NPC1L1: variants seen among roughly 807,000 people sequenced by gnomAD.
NPC1L1 encodes the protein NPC1 like intracellular cholesterol transporter 1.
A neutral mutation model predicts 117.0 loss-of-function variants in NPC1L1; 98 were observed. That is an observed-to-expected ratio of 0.84 (90% CI 0.71 to 0.99). NPC1L1 has a LOEUF of 0.99. Among genes scored for constraint, NPC1L1 ranks in the 50% least tolerant of loss-of-function variants. The probability of loss-of-function intolerance (pLI) is 0.00; values close to 1 mark genes in which losing one functional copy is unlikely to be tolerated. For synonymous variants in NPC1L1, 729 were observed against 727.6 expected, an observed-to-expected ratio of 1.00 and a Z score of -0.03; for missense variants, 1,540 against 1,710.0, an observed-to-expected ratio of 0.90 and a Z score of 1.75.
intron 18 of NPC1L1, among the ~76,000 whole-genome samples, chr7:44,514,874 G>A (rs975676166): frequency 9.9e-5 from 15 of 151,188 alleles, no homozygotes; most frequent in Non-Finnish European, 1.9e-4. Context: ...TTGGCCAGGC[G>A]TGGTGGTGCG....
Position 44,536,835 on chromosome 7 carries a change from A to T in NPC1L1, c.1681+7T>A. ...CTTGGCTTCCTCTCAGGGCCCACTT[A>T]GCTTACCTTTGTACCCCCCAATGGC... On this transcript the variant is annotated splice_region_variant and intron_variant, in intron 3 of 18. Coordinates refer to ENST00000381160, the MANE Select transcript of NPC1L1 (RefSeq NM_001101648.2). This position sits in a 1 kb window ranked among gnomAD's most constrained non-coding sequence, Gnocchi z 4.7. 1 of 1,611,360 alleles carries T rather than the reference A, an allele frequency of 6.2e-7. No homozygotes were observed. Among genetic ancestry groups the T allele is most frequent in the Non-Finnish European group, 8.5e-7 (1 of 1,177,590 alleles).
At position 44,532,216 on chromosome 7, in the gene NPC1L1, G is replaced by C. The variant is rs141148169; in HGVS notation, c.2411C>G (p.Ala804Gly). ...ACAGCAGCAGACGTCCAACCGGGAG[G>C]CCTGGAGTGGGAGGCACCCCCTCAA... ...LLSLDSKRQEASRLDVCCCVK... is the reference protein window; with the variant it reads ...LLSLDSKRQEGSRLDVCCCVK... Residue 804 changes from alanine (A) to glycine (G), a missense_variant and splice_region_variant, in exon 9 of 19, where the codon GCC becomes GGC. This residue lies in a region of NPC1L1 where 742 missense variants were observed against 873.6 expected (regional missense o/e 0.85). Coordinates refer to ENST00000381160, the MANE Select transcript of NPC1L1 (RefSeq NM_001101648.2). 1.2e-6 allele frequency: 2 copies of C among 1,613,540 alleles called. No homozygotes were observed.
intron 10 of NPC1L1, among the ~76,000 whole-genome samples, chr7:44,524,584 G>A (rs1355640512): frequency 6.6e-6 from 1 of 151,924 alleles, no homozygotes; most frequent in African/African-American, 2.4e-5. Context: ...GTGAAACCCT[G>A]TCTCTACTAA....
In NPC1L1 at chr7:44,536,846, G is replaced by C. The variant is rs756893600; in HGVS notation, c.1677C>G (p.Tyr559Ter). 2 of 1,613,358 alleles carry C rather than the reference G, an allele frequency of 1.2e-6. No individual in the cohort carries two copies. The highest frequency in any genetic ancestry group is 2.2e-5 in the South Asian group (2 of 91,072). Reference protein sequence around the residue: ...PVFPFLAIGGYKGKDYSEAEA... With the variant: ...PVFPFLAIGG ...CTCAGGGCCCACTTAGCTTACCTTT[G>C]TACCCCCCAATGGCAAGGAAGGGGA... The change falls in exon 3 of 19, where the codon TAC (tyrosine) becomes TAG (stop). Residue 559 changes from tyrosine to a stop codon, truncating the protein, a stop_gained. Coordinates refer to ENST00000381160, the MANE Select transcript of NPC1L1 (RefSeq NM_001101648.2). LOFTEE classifies it high-confidence loss of function. This position sits in a 1 kb window ranked among gnomAD's most constrained non-coding sequence, Gnocchi z 4.7.
intron 11 of NPC1L1, 92 bp downstream of exon 11, chr7:44,521,960 C>G: frequency 1.3e-6 from 2 of 1,594,354 alleles, no homozygotes; most frequent in Non-Finnish European, 1.7e-6. Context: ...GGCAGCAGGA[C>G]AGGGATAGAA....
In NPC1L1 at chr7:44,536,973, C is replaced by T. The variant is rs180948221; in HGVS notation, c.1581-31G>A. The T allele has an allele frequency of 6.3e-7, 1 of 1,588,492 alleles. No individual in the cohort carries two copies. The highest frequency in any genetic ancestry group is 1.1e-5 in the South Asian group (1 of 89,916). On this transcript the variant is annotated intron_variant, in intron 2 of 18. Coordinates refer to ENST00000381160, the MANE Select transcript of NPC1L1 (RefSeq NM_001101648.2). The surrounding 1 kb of genome is among the most constrained non-coding windows in gnomAD (Gnocchi z 4.7). ...GGGAGATGACCGCAAAGGGAAAGGG[C>T]CTTTCCTGGCCCTGCCCAGTCCCTA...
rs1356009343 is a variant in NPC1L1, at chr7:44,518,740, C to T, written c.3137-1383G>A. ...TGTATCTGAAAAAGAAACAATAGTG[C>T]TACATAGGTGTGGAGAAAAAAGAAG... On this transcript the variant is annotated intron_variant, in intron 14 of 18. Coordinates refer to ENST00000381160, the MANE Select transcript of NPC1L1 (RefSeq NM_001101648.2). 25 of 1,148,428 alleles carry T rather than the reference C, an allele frequency of 2.2e-5. No individual in the cohort carries two copies. In the South Asian group the frequency reaches 4.3e-4, roughly 20 times the overall value. The allele number at this position is 1,148,428 out of a possible 1,614,324, so 71.1% of individuals were successfully genotyped here. A position where few individuals can be genotyped will look rare whatever the true frequency, so the allele number is the denominator to read the frequency against.
In NPC1L1 at chr7:44,540,184, CA is replaced by C. The variant is rs778702059; in HGVS notation, c.212del (p.Leu71ArgfsTer51). 3 of 1,613,814 alleles carry C rather than the reference CA, an allele frequency of 1.9e-6. No homozygotes were observed. The African/African-American group carries it at 4.0e-5, about 22-fold the overall frequency. ...GGGGGCAGATCTTCTGTAATAGGAT[CA>C]GGTGATCACCTGTGATCTTGCGGGC... is the stretch of plus-strand genomic sequence containing the variant. The part of the protein sequence containing the change: ...TPARKITGDH[L>X]ILLQKICPRL... On this transcript the variant is annotated frameshift_variant, in exon 2 of 19. Transcript: ENST00000381160. LOFTEE classifies it high-confidence loss of function.
At chr7:44,516,043 T>C (rs1253871629) in intron 17 of NPC1L1, 41 bp downstream of exon 17, 1 of 1,606,856 alleles carries the variant, frequency 6.2e-7, no homozygotes, top group Non-Finnish European at 8.5e-7. Flanking sequence ...GGGCACAGGG[T>C]GTCGAGTGGG....
At position 44,536,407 on chromosome 7, in the gene NPC1L1, TC is replaced by T; in HGVS notation, c.1702del (p.Glu568ArgfsTer3). On this transcript the variant is annotated frameshift_variant, in exon 4 of 19. Coordinates refer to ENST00000381160, the MANE Select transcript of NPC1L1 (RefSeq NM_001101648.2). LOFTEE classifies it high-confidence loss of function. This position sits in a 1 kb window ranked among gnomAD's most constrained non-coding sequence, Gnocchi z 4.7. ...GYKGKDYSEA[E>X]ALIMTFSLNN... is the part of the protein sequence containing the mutation. Reference sequence around the variant, plus strand: ...GAGGGAGAACGTCATGATCAGGGCCTCTGCCTCAGAATAGTCCTTTCCTGGG... The same window carrying T: ...GAGGGAGAACGTCATGATCAGGGCCTTGCCTCAGAATAGTCCTTTCCTGGG... 1 of 1,613,528 alleles carries T rather than the reference TC, an allele frequency of 6.2e-7. No homozygotes were observed. The highest frequency in any genetic ancestry group is 8.5e-7 in the Non-Finnish European group (1 of 1,180,018).
chr7:44,520,090 G>A (rs1801306123), intron 14 of NPC1L1, among the ~76,000 whole-genome samples: 1 of 152,152 alleles, frequency 6.6e-6, no homozygotes, highest in Non-Finnish European at 1.5e-5. Flanking sequence ...GACCAGCTTG[G>A]CCAACGTGGT....
In NPC1L1 at chr7:44,534,253, G is replaced by T. The variant is rs1030182015; in HGVS notation, c.2166+194C>A. On this transcript the variant is annotated intron_variant, in intron 6 of 18. Transcript: ENST00000381160. This position sits in a 1 kb window ranked among gnomAD's most constrained non-coding sequence, Gnocchi z 5.2. ...AGGGGTTAACAGAAAGCTAATTCCA[G>T]ATGGTAGAGGCAGGATGAAGTCATT... Among the ~76,000 whole-genome samples the T allele has an allele frequency of 2.0e-5, 3 of 152,230 alleles. No individual in the cohort carries two copies. The highest frequency in any genetic ancestry group is 7.2e-5 in the African/African-American group (3 of 41,458).
rs558524472 is a variant in NPC1L1, at chr7:44,516,763, G to C, written c.3459C>G (p.Val1153=). ...LSIVMILVDT[V]GFMALWGISY... is the part of the protein sequence containing the mutation. ...TGATGCCCCACAGGGCCATGAAGCCGACAGTGTCCACGAGGATCATGACAA... is the reference window on the plus strand; with the variant it reads ...TGATGCCCCACAGGGCCATGAAGCCCACAGTGTCCACGAGGATCATGACAA... Residue 1153 remains valine, a synonymous_variant, in exon 16 of 19, where the codon GTC becomes GTG. Transcript: ENST00000381160. 1.2e-6 allele frequency: 2 copies of C among 1,613,778 alleles called. No individual in the cohort carries two copies. The highest frequency in any genetic ancestry group is 3.3e-5 in the Admixed American group (2 of 59,952).
At chr7:44,519,043 T>TCTTTC (rs747589818) in intron 14 of NPC1L1, among the ~76,000 whole-genome samples, 2 of 146,380 alleles carry the variant, frequency 1.4e-5, no homozygotes, top group African/African-American at 4.9e-5. Context: ...TCTTTTCTTT[T>TCTTTC]CTTTCCTTTT....
chr7:44,520,635 CAG>C (rs1801323552), intron 14 of NPC1L1, 128 bp downstream of exon 14: 3 of 824,578 alleles, frequency 3.6e-6, no homozygotes, highest in Non-Finnish European at 6.4e-6. Flanking sequence ...CCCCTGCTGA[CAG>C]GGCCAGCGCA....
Position 44,515,870 on chromosome 7 carries a change from G to T in NPC1L1, c.3729C>A (p.Asn1243Lys), listed in dbSNP as rs1217611394. 1 of 1,614,198 alleles carries T rather than the reference G, an allele frequency of 6.2e-7. No individual in the cohort carries two copies. Among genetic ancestry groups the T allele is most frequent in the Non-Finnish European group, 8.5e-7 (1 of 1,180,022 alleles). The change falls in exon 18 of 19, where the codon AAC becomes AAA. Residue 1243 changes from asparagine (N) to lysine (K), a missense_variant. Asn to Lys is a moderately conservative substitution (Grantham distance 94). Transcript: ENST00000381160. ...GCAGGCCCAGCAGAGTGATCAGGAG[G>T]TTGAGGCGGAAGAAGAAGATCTGAA... ...QLIQIFFFRL[N>K]LLITLLGLLH...
In NPC1L1 at chr7:44,532,151, C is replaced by T. The variant is rs1801723927; in HGVS notation, c.2476G>A (p.Gly826Arg). Residue 826 changes from glycine (G) to arginine (R), a missense_variant, in exon 9 of 19, where the codon GGG becomes AGG. This residue lies in a region of NPC1L1 where 742 missense variants were observed against 873.6 expected (regional missense o/e 0.85). Transcript: ENST00000381160. ...QELPPPGQGE[G>R]LLLGFFQKAY... Reference sequence around the variant, plus strand: ...TTTTGGAAGAAGCCAAGCAGGAGCCCCTCTCCCTGGCCAGGCGGGGGCAGC... The same window carrying T: ...TTTTGGAAGAAGCCAAGCAGGAGCCTCTCTCCCTGGCCAGGCGGGGGCAGC... 1.9e-6 allele frequency: 3 copies of T among 1,614,054 alleles called. No individual in the cohort carries two copies. The highest frequency in any genetic ancestry group is 2.5e-6 in the Non-Finnish European group (3 of 1,180,024).
intron 10 of NPC1L1, among the ~76,000 whole-genome samples, chr7:44,531,055 C>T (rs1801684040): frequency 6.6e-6 from 1 of 152,250 alleles, no homozygotes; most frequent in Non-Finnish European, 1.5e-5. Context: ...AGAGCTTGCT[C>T]ATGCAGTCTG....
At chr7:44,531,932 G>T in intron 9 of NPC1L1, 88 bp from the exon 10 acceptor site, 2 of 1,520,360 alleles carry the variant, frequency 1.3e-6, no homozygotes, top group Non-Finnish European at 1.8e-6. Context: ...GGTGTCATGG[G>T]CAACATTCTG....
Sources: allele counts gnomAD v4.1 joint callset (sites outside exome capture counted in the v4.1 genomes callset), GRCh38; gene constraint gnomAD v4.1.1; regional missense constraint gnomAD v4.1.1; non-coding constraint Gnocchi (gnomAD v3.1); transcripts MANE v1.5; gene names NCBI Gene and HGNC (gene_info 2026-07-23, HGNC 2026-07-21).